The following MET variants were observed in gnomAD, a reference collection of about 807,000 sequenced individuals.
MET encodes hepatocyte growth factor receptor.
Under a neutral mutation model 133.1 loss-of-function variants are expected in MET, and 48 were observed. The ratio of observed to expected loss-of-function variants is 0.36; its 90% CI spans 0.29 to 0.46. The LOEUF is 0.46. Ranked by LOEUF, MET falls within the 20% of genes least tolerant of loss-of-function variation. MET has a pLI of 1.00. For synonymous variants in MET, 628 were observed against 616.5 expected, an observed-to-expected ratio of 1.02 and a Z score of -0.28; for missense variants, 1,442 against 1,695.9, an observed-to-expected ratio of 0.85 and a Z score of 2.63.
intron 19 of MET, among the ~76,000 whole-genome samples, chr7:116,786,868 T>C (rs1447373165): frequency 1.3e-5 from 2 of 152,276 alleles, no homozygotes; most frequent in East Asian, 1.9e-4. Flanking sequence ...GAGTGTGGCA[T>C]GGGAAGCAAG....
At chr7:116,788,927 C>G (rs1189351867) in intron 19 of MET, among the ~76,000 whole-genome samples, 1 of 152,186 alleles carries the variant, frequency 6.6e-6, no homozygotes, top group African/African-American at 2.4e-5. Flanking sequence ...GGAAATCACT[C>G]ACACCCTCCT....
intron 19 of MET, among the ~76,000 whole-genome samples, chr7:116,786,796 G>A (rs916480017): frequency 2.0e-5 from 3 of 152,220 alleles, no homozygotes; most frequent in Non-Finnish European, 4.4e-5. Flanking sequence ...TAATGTTCAT[G>A]GGGGACATGC....
chr7:116,792,650 T>C (rs1367898321), intron 19 of MET, among the ~76,000 whole-genome samples: 1 of 152,132 alleles, frequency 6.6e-6, no homozygotes. Flanking sequence ...CTTCTTCCTC[T>C]TACCTCCCTG....
chr7:116,751,678 T>G (rs1793926292), intron 5 of MET, among the ~76,000 whole-genome samples: 1 of 152,190 alleles, frequency 6.6e-6, no homozygotes. Context: ...GATCTCATAC[T>G]TAAAGAGCAA....
chr7:116,796,186 C>G lies in MET; in HGVS notation c.*62C>G. ...TCCAATGGTTTTTTCACTGCCTGAC[C>G]TTTAAAAGGCCATCGATATTCTTTG... is the stretch of plus-strand genomic sequence containing the variant. On this transcript the variant is annotated 3_prime_UTR_variant, in exon 21 of 21. Coordinates refer to ENST00000397752, the MANE Select transcript of MET (RefSeq NM_000245.4). 1 of 1,445,678 alleles carries G rather than the reference C, an allele frequency of 6.9e-7. No homozygotes were observed. The highest frequency in any genetic ancestry group is 9.7e-7 in the Non-Finnish European group (1 of 1,031,502). 89.6% of individuals were successfully genotyped at this position (1,445,678 alleles called of 1,614,324 possible).
At chr7:116,681,383 T>A (rs901428552) in intron 1 of MET, among the ~76,000 whole-genome samples, 4 of 152,150 alleles carry the variant, frequency 2.6e-5, no homozygotes, top group African/African-American at 7.2e-5. Flanking sequence ...TAGCTCATTA[T>A]AATCTATAAA....
At chr7:116,725,010 C>A (rs1293558177) in intron 2 of MET, among the ~76,000 whole-genome samples, 2 of 152,168 alleles carry the variant, frequency 1.3e-5, no homozygotes, top group Non-Finnish European at 2.9e-5. Flanking sequence ...GGGGTAGAAC[C>A]AGCCTTGGCC....
rs373586966 is a variant in MET at position 116,755,492 on chromosome 7, T to G, written c.1839T>G (p.Thr613=). Residue 613 remains threonine (T), a synonymous_variant, in exon 6 of 21, where the codon ACT becomes ACG. Coordinates refer to ENST00000397752, the MANE Select transcript of MET (RefSeq NM_000245.4). ...TTGGAAATGAGAGCTGCACCTTGAC[T>G]TTAAGTGAGAGCACGATGAATACGT... ...VLLGNESCTL[T]LSESTMNTLK... 11 of 1,614,046 alleles carry G rather than the reference T, an allele frequency of 6.8e-6. No homozygotes were observed. Among genetic ancestry groups the G allele is most frequent in the Non-Finnish European group, 8.5e-6 (10 of 1,180,020 alleles).
Position 116,798,222 on chromosome 7 carries a change from G to A in MET, c.*2098G>A. 1 of 210,088 alleles carries A rather than the reference G, an allele frequency of 4.8e-6. No individual in the cohort carries two copies. The allele number at this position is 210,088 out of a possible 1,614,324, so 13.0% of individuals were successfully genotyped here. A position where few individuals can be genotyped will look rare whatever the true frequency, so the allele number is the denominator to read the frequency against. Reference sequence around the variant, plus strand: ...AATCACGTTTGCTATTTATAAACTTGTCCTTAGATTAATGTGTCTGGACAG... The same window carrying A: ...AATCACGTTTGCTATTTATAAACTTATCCTTAGATTAATGTGTCTGGACAG... On this transcript the variant is annotated 3_prime_UTR_variant, in exon 21 of 21. Transcript: ENST00000397752.
At chr7:116,684,321 T>C (rs1223132365) in intron 1 of MET, among the ~76,000 whole-genome samples, 3 of 152,264 alleles carry the variant, frequency 2.0e-5, no homozygotes, top group Non-Finnish European at 4.4e-5. Context: ...TTCTTTTGTA[T>C]ATTGATTGAT....
intron 2 of MET, among the ~76,000 whole-genome samples, chr7:116,723,542 GA>G (rs1210161335): frequency 6.6e-6 from 1 of 152,210 alleles, no homozygotes; most frequent in Non-Finnish European, 1.5e-5. Flanking sequence ...CGTTCCTTTG[GA>G]GGAGGAGAGG....
At chr7:116,733,687 T>C (rs1041240263) in intron 3 of MET, among the ~76,000 whole-genome samples, 2 of 152,152 alleles carry the variant, frequency 1.3e-5, no homozygotes, top group African/African-American at 4.8e-5. Flanking sequence ...GTAAAAAAAA[T>C]GCTTATTTTA....
At chr7:116,683,128 G>T (rs1356562963) in intron 1 of MET, among the ~76,000 whole-genome samples, 1 of 152,058 alleles carries the variant, frequency 6.6e-6, no homozygotes. Flanking sequence ...TTGTTACATA[G>T]GTAAACTCGT....
chr7:116,747,203 C>T (rs960786149), intron 5 of MET, among the ~76,000 whole-genome samples: 2 of 152,144 alleles, frequency 1.3e-5, no homozygotes, highest in African/African-American at 4.8e-5. Context: ...ATTGTAAAGA[C>T]CATTGACACT....
intron 5 of MET, among the ~76,000 whole-genome samples, chr7:116,749,171 G>GCCAATATCC (rs2116877722): frequency 6.6e-6 from 1 of 152,100 alleles, no homozygotes; most frequent in South Asian, 2.1e-4. Context: ...AAAATTTCAG[G>GCCAATATCC]CCAATATCCC....
At chr7:116,757,843 G>T (rs771748687) in intron 8 of MET, 69 bp downstream of exon 8, 1 of 1,542,508 alleles carries the variant, frequency 6.5e-7, no homozygotes, top group East Asian at 2.2e-5. Flanking sequence ...AAATTAAGCA[G>T]ATTGTTTTGT....
chr7:116,755,050 A>G (rs1246258794), intron 5 of MET, among the ~76,000 whole-genome samples: 2 of 151,886 alleles, frequency 1.3e-5, no homozygotes, highest in African/African-American at 4.8e-5. Flanking sequence ...GAAAAGAAAG[A>G]AAGAACGGAA....
At chr7:116,756,785 A>G (rs1467580409) in intron 6 of MET, among the ~76,000 whole-genome samples, 1 of 152,206 alleles carries the variant, frequency 6.6e-6, no homozygotes, top group African/African-American at 2.4e-5. Context: ...CCATTGTTTC[A>G]TATGCATCTG....
chr7:116,699,055 G>C lies in MET; in HGVS notation c.-14-16G>C, dbSNP rs2116577032. 1 of 1,613,596 alleles carries C rather than the reference G, an allele frequency of 6.2e-7. No homozygotes were observed. Among genetic ancestry groups the C allele is most frequent in the Non-Finnish European group, 8.5e-7 (1 of 1,179,792 alleles). The stretch of plus-strand genomic sequence containing the variant: ...CTGACAACTGAACTGCTCTCGCCTT[G>C]AACCTGTTTTGGCAGATAAACCTCT... On this transcript the variant is annotated splice_polypyrimidine_tract_variant and intron_variant, in intron 1 of 20. Coordinates refer to ENST00000397752, the MANE Select transcript of MET (RefSeq NM_000245.4).
Sources: allele counts gnomAD v4.1 joint callset (sites outside exome capture counted in the v4.1 genomes callset), GRCh38; gene constraint gnomAD v4.1.1; transcripts MANE v1.5; gene names NCBI Gene and HGNC (gene_info 2026-07-23, HGNC 2026-07-21).